Variants in HPS4 observed in about 807,000 individuals in gnomAD.
HPS4 encodes the protein HPS4 biogenesis of lysosomal organelles complex 3 subunit 2.
Under a neutral mutation model 70.3 loss-of-function variants are expected in HPS4, and 44 were observed. The observed-to-expected ratio is 0.63, with a 90% CI of 0.49 to 0.80. The LOEUF is 0.80. Ranked by LOEUF, HPS4 falls within the 30% of genes least tolerant of loss-of-function variation. The pLI, the probability that HPS4 is intolerant of heterozygous loss-of-function variation, is 0.00. For synonymous variants in HPS4, 377 were observed against 355.9 expected (o/e 1.06, Z -0.67); for missense variants, 873 against 884.4 (o/e 0.99, Z 0.16).
intron 13 of HPS4, chr22:26,453,880 G>C (rs888216864): frequency 4.1e-6 from 1 of 242,806 alleles, no homozygotes. Flanking sequence ...GTCCGAGAAA[G>C]GAGTCTAGTC....
chr22:26,462,126 CAAA>C (rs10711513), intron 11 of HPS4, among the ~76,000 whole-genome samples: 17 of 136,930 alleles, frequency 1.2e-4, no homozygotes, highest in Non-Finnish European at 7.9e-5. Context: ...AACTCCATCT[CAAA>C]AAAAAAAAAA....
Position 26,465,564 on chromosome 22 carries a change from A to G in HPS4, c.707-13T>C, listed in dbSNP as rs1385892319. On this transcript the variant is annotated splice_polypyrimidine_tract_variant and intron_variant, in intron 9 of 13. Transcript: ENST00000398145. ...GGCAATGCCGCTCCTGGAATTGCAA[A>G]GCAATATGAACAGGACTTTCCCCTG... 1 of 1,608,286 alleles carries G rather than the reference A, an allele frequency of 6.2e-7. No individual in the cohort carries two copies. Among genetic ancestry groups the G allele is most frequent in the Admixed American group, 1.7e-5 (1 of 60,002 alleles).
intron 11 of HPS4, 79 bp downstream of exon 11, chr22:26,463,838 G>A (rs933356186): frequency 3.4e-6 from 5 of 1,453,622 alleles, no homozygotes; most frequent in South Asian, 1.2e-5. Context: ...TTCCCTGGGT[G>A]TTGGCACAGT....
rs1323034718 is a variant in HPS4, at chr22:26,472,904, G to T, written c.312C>A (p.Ser104Arg). ...CTAGCTGATCCAGAAACCGCTTGCA[G>T]CTGACATCAGGGAGCTCCACAGCAC... ...LGCAVELPDV[S>R]CKRFLDQLVG... The change falls in exon 5 of 14, where the codon AGC (serine) becomes AGA (arginine). Residue 104 changes from serine to arginine, a missense_variant. By Grantham distance (110) the Ser-to-Arg change is moderately radical. Coordinates refer to ENST00000398145, the MANE Select transcript of HPS4 (RefSeq NM_022081.6). 1 of 1,614,094 alleles carries T rather than the reference G, an allele frequency of 6.2e-7. No homozygotes were observed. Among genetic ancestry groups the T allele is most frequent in the Non-Finnish European group, 8.5e-7 (1 of 1,180,036 alleles).
chr22:26,478,895 GCTGGT>G, intron 3 of HPS4, among the ~76,000 whole-genome samples: 1 of 152,160 alleles, frequency 6.6e-6, no homozygotes, highest in Middle Eastern at 3.4e-3. Context: ...TGCTGGCCAG[GCTGGT>G]CTCAAACTCC....
Position 26,464,116 on chromosome 22 carries a change from C to T in HPS4, c.1514G>A (p.Gly505Asp), listed in dbSNP as rs769017976. 5.0e-6 allele frequency: 8 copies of T among 1,614,270 alleles called. No individual in the cohort carries two copies. Among genetic ancestry groups the T allele is most frequent in the Non-Finnish European group, 6.8e-6 (8 of 1,180,048 alleles). ...TGCTGAGCCTGAACTGCATTCCAGA[C>T]CAGGGGCTGCGTGGCTTTCACAGAC... ...DGVCESHAAP[G>D]LECSSGSANC... Residue 505 changes from glycine to aspartate, a missense_variant, in exon 11 of 14, where the codon GGT becomes GAT. Transcript: ENST00000398145.
chr22:26,470,617 A>C, intron 7 of HPS4, 102 bp downstream of exon 7: 31 of 1,099,116 alleles, frequency 2.8e-5, no homozygotes, highest in Non-Finnish European at 3.9e-5. Context: ...CCCACTTGGA[A>C]CTGGCCAGAG....
chr22:26,466,695 C>T (rs978935443), intron 8 of HPS4: 13 of 246,426 alleles, frequency 5.3e-5, no homozygotes, highest in Admixed American at 3.7e-4. Context: ...GTGACTCTCA[C>T]GATAAAGGAT....
chr22:26,453,698 G>A, intron 13 of HPS4: 1 of 471,194 alleles, frequency 2.1e-6, no homozygotes, highest in East Asian at 4.3e-5. Flanking sequence ...ACTGTGGAGT[G>A]CTGGCTTTTT....
intron 2 of HPS4, chr22:26,479,630 A>C: frequency 1.5e-6 from 2 of 1,310,282 alleles, no homozygotes; most frequent in East Asian, 3.3e-5. Flanking sequence ...GGCGCCCACA[A>C]TGACTGCTCT....
intron 1 of HPS4, chr22:26,482,778 T>C (rs1016019970): frequency 1.3e-5 from 2 of 152,204 alleles, no homozygotes; most frequent in African/African-American, 2.4e-5. Flanking sequence ...CCTCCAGAGA[T>C]GCGTGGTTCA....
chr22:26,462,197 G>C (rs1420291437), intron 11 of HPS4, among the ~76,000 whole-genome samples: 1 of 152,018 alleles, frequency 6.6e-6, no homozygotes, highest in Non-Finnish European at 1.5e-5. Flanking sequence ...ATTTCCCGGG[G>C]CCTAGCCAGC....
At chr22:26,455,779 A>T (rs2086010335) in intron 13 of HPS4, among the ~76,000 whole-genome samples, 1 of 152,114 alleles carries the variant, frequency 6.6e-6, no homozygotes, top group African/African-American at 2.4e-5. Context: ...TGTTTCTATT[A>T]CTGTTATTGA....
rs1476349410 is a variant in HPS4 at position 26,451,998 on chromosome 22, GCGCGCGCACACACACACA to G, written c.*1217_*1234del. 1.6e-3 allele frequency: 99 copies of G among 61,396 alleles called. No homozygotes were observed. Among genetic ancestry groups the G allele is most frequent in the African/African-American group, 6.8e-3 (90 of 13,274 alleles). The allele number at this position is 61,396 out of a possible 1,614,324, so 3.8% of individuals were successfully genotyped here. ...ATGCGCCCACGTTACGCGCGCGCGCGCGCGCGCACACACACACACACACACACACACACACACACACAC... is the reference window on the plus strand; with the variant it reads ...ATGCGCCCACGTTACGCGCGCGCGCGCACACACACACACACACACACACAC... On this transcript the variant is annotated 3_prime_UTR_variant, in exon 14 of 14. Coordinates refer to ENST00000398145, the MANE Select transcript of HPS4 (RefSeq NM_022081.6).
downstream of HPS4, among the ~76,000 whole-genome samples, chr22:26,447,431 A>G (rs751288591): frequency 3.9e-5 from 6 of 152,234 alleles, no homozygotes; most frequent in Non-Finnish European, 8.8e-5. Flanking sequence ...GCCAAGTTTG[A>G]GTTGTGGTTT....
intron 13 of HPS4, among the ~76,000 whole-genome samples, chr22:26,456,024 T>G (rs765490405): frequency 1.3e-5 from 2 of 152,178 alleles, no homozygotes; most frequent in Non-Finnish European, 2.9e-5. Flanking sequence ...AGCTGTGAAT[T>G]AAAGCCAGAG....
downstream of HPS4, among the ~76,000 whole-genome samples, chr22:26,446,387 C>T (rs1483383929): frequency 6.6e-6 from 1 of 152,156 alleles, no homozygotes; most frequent in African/African-American, 2.4e-5. Flanking sequence ...TGCTCCGTAG[C>T]ATACTGTGGG....
downstream of HPS4, chr22:26,443,709 C>T (rs2084878307): frequency 6.5e-6 from 1 of 152,698 alleles, no homozygotes; most frequent in Non-Finnish European, 1.5e-5. Flanking sequence ...CTTCAGCCAC[C>T]TGACGGCAGG....
rs2088388035 is a variant in HPS4, at chr22:26,465,570, A to G, written c.707-19T>C. 24 of 1,600,516 alleles carry G rather than the reference A, an allele frequency of 1.5e-5. No homozygotes were observed. The East Asian group carries it at 5.4e-4, about 36-fold the overall frequency. On this transcript the variant is annotated intron_variant, in intron 9 of 13. Transcript: ENST00000398145. ...GCCGCTCCTGGAATTGCAAAGCAAT[A>G]TGAACAGGACTTTCCCCTGAGCCAG...
Sources: allele counts gnomAD v4.1 joint callset (sites outside exome capture counted in the v4.1 genomes callset), GRCh38; gene constraint gnomAD v4.1.1; transcripts MANE v1.5; gene names NCBI Gene and HGNC (gene_info 2026-07-23, HGNC 2026-07-21).